The following HYDIN variants were observed in gnomAD, a reference collection of about 807,000 sequenced individuals.
HYDIN encodes axonemal central pair apparatus protein HYDIN.
In HYDIN, 132 loss-of-function variants were observed where a neutral mutation model predicts 403.9. The ratio of observed to expected loss-of-function variants is 0.33; its 90% CI spans 0.28 to 0.38. HYDIN has a LOEUF of 0.38. Among genes scored for constraint, HYDIN ranks in the 10% least tolerant of loss-of-function variants. The probability of loss-of-function intolerance (pLI) is 1.00; values close to 1 mark genes in which losing one functional copy is unlikely to be tolerated. For missense variants in HYDIN, 2,827 were observed against 5,009.5 expected (o/e 0.56, Z 13.15); for synonymous variants, 1,202 against 1,891.7 (o/e 0.64, Z 9.46).
Position 71,173,890 on chromosome 16 carries a change from A to T in HYDIN, c.516+1717T>A, listed in dbSNP as rs113348217. On this transcript the variant is annotated intron_variant, in intron 5 of 85. Coordinates refer to ENST00000393567, the MANE Select transcript of HYDIN (RefSeq NM_001270974.2). Reference sequence around the variant, plus strand: ...ACCTATTTTCTCCAGCACAGAAAAAAACTAAGGAAAGCCACCTCCTCAAAT... The same window carrying T: ...ACCTATTTTCTCCAGCACAGAAAAATACTAAGGAAAGCCACCTCCTCAAAT... Among the ~76,000 whole-genome samples, 11 of 152,318 alleles carry T rather than the reference A, an allele frequency of 7.2e-5. 1 individual carries two copies. Among genetic ancestry groups the T allele is most frequent in the African/African-American group, 2.6e-4 (11 of 41,572 alleles).
chr16:71,229,807 A>T (rs2041200532), intron 1 of HYDIN, among the ~76,000 whole-genome samples: 2 of 152,230 alleles, frequency 1.3e-5, no homozygotes, highest in African/African-American at 4.8e-5. Context: ...CATTCTACAT[A>T]CTTATTGCAG....
intron 45 of HYDIN, among the ~76,000 whole-genome samples, chr16:70,926,825 GC>G (rs1337544790): frequency 2.0e-5 from 3 of 151,674 alleles, no homozygotes; most frequent in African/African-American, 4.8e-5. Context: ...AGAATTAATG[GC>G]TTTTTAATGC....
chr16:70,945,277 G>A (rs1241490271), intron 41 of HYDIN, among the ~76,000 whole-genome samples: 1 of 152,194 alleles, frequency 6.6e-6, no homozygotes, highest in Non-Finnish European at 1.5e-5. Flanking sequence ...ACCAAAACAT[G>A]ATTCTTTGAG....
intron 18 of HYDIN, among the ~76,000 whole-genome samples, chr16:71,046,532 G>A (rs1208694053): frequency 1.3e-5 from 2 of 151,938 alleles, no homozygotes; most frequent in Admixed American, 6.6e-5. Flanking sequence ...ATTGTTGCAT[G>A]CAATTTCATT....
At chr16:71,136,781 CAAAA>C in intron 8 of HYDIN, among the ~76,000 whole-genome samples, 1 of 137,670 alleles carries the variant, frequency 7.3e-6, no homozygotes, top group African/African-American at 2.6e-5. Context: ...AAAAAAAAAA[CAAAA>C]AAAACAAAAA....
chr16:71,066,999 T>C (rs571119845), intron 15 of HYDIN: 23 of 663,122 alleles, frequency 3.5e-5, no homozygotes, highest in South Asian at 3.4e-4. Flanking sequence ...CCTTTCTGGT[T>C]ACATACTTTG....
chr16:71,134,458 G>A (rs2084835310), intron 8 of HYDIN, among the ~76,000 whole-genome samples: 1 of 152,262 alleles, frequency 6.6e-6, no homozygotes, highest in Admixed American at 6.5e-5. Context: ...ATTCAGCTCT[G>A]CAGGCCTTGC....
At chr16:70,822,512 T>C (rs576507300) in intron 83 of HYDIN, among the ~76,000 whole-genome samples, 19 of 152,344 alleles carry the variant, frequency 1.2e-4, no homozygotes, top group Non-Finnish European at 2.1e-4. Context: ...ACTTAATTGA[T>C]AAAGCAGCAG....
chr16:70,979,709 A>C (rs1253644757), intron 29 of HYDIN, among the ~76,000 whole-genome samples: 7 of 152,166 alleles, frequency 4.6e-5, no homozygotes, highest in Non-Finnish European at 1.0e-4. Flanking sequence ...GGGCGGGCAG[A>C]TTGCCTGAGC....
At chr16:71,162,843 T>A in intron 5 of HYDIN, 113 bp from the exon 6 acceptor site, 1 of 594,364 alleles carries the variant, frequency 1.7e-6, no homozygotes, top group South Asian at 2.0e-5. Context: ...AGTATAGTTC[T>A]ATGAAAACAT....
At position 71,020,231 on chromosome 16, in the gene HYDIN, T is replaced by C. The variant is rs1262664080; in HGVS notation, c.3273A>G (p.Thr1091=). 2 of 1,614,016 alleles carry C rather than the reference T, an allele frequency of 1.2e-6. No individual in the cohort carries two copies. The highest frequency in any genetic ancestry group is 1.7e-6 in the Non-Finnish European group (2 of 1,179,982). The change falls in exon 22 of 86, where the codon ACA becomes ACG. Residue 1091 remains threonine (T), a synonymous_variant. Transcript: ENST00000393567. ...STLPVNLLLS[T]SGPFFICETD... The stretch of plus-strand genomic sequence containing the variant: ...TCTCACATATAAAGAAGGGTCCAGA[T>C]GTTGACAGCAACAAGTTCACGGGCA...
At chr16:70,987,273 C>T (rs1473581461) in intron 27 of HYDIN, among the ~76,000 whole-genome samples, 733 of 151,678 alleles carry the variant, frequency 4.8e-3, no homozygotes, top group South Asian at 0.019. Context: ...TACGAAACCA[C>T]GCTCTTTGGT....
At chr16:71,207,350 T>G (rs2088352903) in intron 1 of HYDIN, among the ~76,000 whole-genome samples, 1 of 152,110 alleles carries the variant, frequency 6.6e-6, no homozygotes, top group Admixed American at 6.6e-5. Flanking sequence ...AAAGGAGAAA[T>G]AAGACCCTTT....
chr16:71,059,641 T>C (rs2082017075), intron 18 of HYDIN, among the ~76,000 whole-genome samples: 1 of 152,006 alleles, frequency 6.6e-6, no homozygotes, highest in Non-Finnish European at 1.5e-5. Context: ...GGGTGAAGGA[T>C]GGGAGGAAGA....
chr16:71,109,212 CAAT>C (rs1205705793), intron 10 of HYDIN, among the ~76,000 whole-genome samples: 17 of 141,832 alleles, frequency 1.2e-4, no homozygotes, highest in African/African-American at 4.6e-4. Flanking sequence ...GCATTCTATT[CAAT>C]AATGACACAA....
At chr16:71,027,232 C>A in intron 20 of HYDIN, 1 of 1,118,820 alleles carries the variant, frequency 8.9e-7, no homozygotes, top group East Asian at 8.6e-5. Flanking sequence ...AGAGGCAGCC[C>A]AGAGTGTCGA....
chr16:71,226,909 A>G (rs376482866), intron 1 of HYDIN, among the ~76,000 whole-genome samples: 2 of 152,086 alleles, frequency 1.3e-5, no homozygotes, highest in Non-Finnish European at 2.9e-5. Context: ...TAGTGAGACA[A>G]TTTGAGACTA....
At chr16:71,065,082 A>G (rs1276832660) in intron 15 of HYDIN, among the ~76,000 whole-genome samples, 2 of 152,198 alleles carry the variant, frequency 1.3e-5, no homozygotes, top group Non-Finnish European at 2.9e-5. Flanking sequence ...GTGGGTAATG[A>G]CTCACATTTC....
At chr16:71,220,074 C>T (rs900185677) in intron 1 of HYDIN, among the ~76,000 whole-genome samples, 1 of 152,106 alleles carries the variant, frequency 6.6e-6, no homozygotes, top group East Asian at 1.9e-4. Flanking sequence ...GAACACTATC[C>T]CCCAGAAGAT....
Sources: gnomAD v4.1 joint callset for allele counts (sites outside exome capture counted in the v4.1 genomes callset) on GRCh38, gnomAD v4.1.1 for gene constraint, MANE v1.5 for transcripts, NCBI Gene and HGNC (gene_info 2026-07-23, HGNC 2026-07-21) for gene names.